Variants in FOXP1 observed in about 807,000 individuals in gnomAD.
FOXP1 encodes the protein forkhead box protein P1.
A neutral mutation model predicts 98.2 loss-of-function variants in FOXP1; 15 were observed. The observed-to-expected ratio is 0.15, with a 90% CI of 0.10 to 0.24. The LOEUF (loss-of-function observed/expected upper bound fraction) is 0.24, where lower values mean the gene tolerates loss of function less well. Ranked by LOEUF, FOXP1 falls within the 10% of genes least tolerant of loss-of-function variation. The probability of loss-of-function intolerance (pLI) is 1.00; values close to 1 mark genes in which losing one functional copy is unlikely to be tolerated. For missense variants in FOXP1, 633 were observed against 848.5 expected, an observed-to-expected ratio of 0.75 and a Z score of 3.15; for synonymous variants, 371 against 314.5, an observed-to-expected ratio of 1.18 and a Z score of -1.90.
At chr3:71,162,083 C>T (rs1404378455) in intron 6 of FOXP1, among the ~76,000 whole-genome samples, 1 of 152,166 alleles carries the variant, frequency 6.6e-6, no homozygotes, top group East Asian at 1.9e-4. Flanking sequence ...TAATGATAGC[C>T]ACAGGCCAAT....
chr3:71,087,967 T>C (rs2055320767), intron 7 of FOXP1, among the ~76,000 whole-genome samples: 1 of 152,200 alleles, frequency 6.6e-6, no homozygotes, highest in South Asian at 2.1e-4. Context: ...GGCCACGGCA[T>C]AATGTACCTC....
chr3:71,562,578 A>C (rs6785868), intron 2 of FOXP1, among the ~76,000 whole-genome samples: 97,700 of 151,960 alleles, frequency 0.64, 32,916 homozygotes, highest in African/African-American at 0.7. Context: ...TTAGGATATG[A>C]CAGACACTGG....
At chr3:71,542,079 T>C (rs561557150) in intron 2 of FOXP1, 21 of 522,786 alleles carry the variant, frequency 4.0e-5, no homozygotes, top group Non-Finnish European at 7.4e-5. Context: ...AACTGGCTTA[T>C]ATATCAAAAT....
At chr3:71,359,611 A>G (rs2078410840) in intron 3 of FOXP1, among the ~76,000 whole-genome samples, 1 of 152,176 alleles carries the variant, frequency 6.6e-6, no homozygotes, top group Admixed American at 6.5e-5. Flanking sequence ...TGCAGGGCAC[A>G]TTCAGGGCTC....
intron 6 of FOXP1, among the ~76,000 whole-genome samples, chr3:71,124,768 G>A (rs1483663674): frequency 6.6e-6 from 1 of 152,168 alleles, no homozygotes; most frequent in African/African-American, 2.4e-5. Flanking sequence ...TCAGTAAATG[G>A]AAACTAAAAC....
intron 3 of FOXP1, among the ~76,000 whole-genome samples, chr3:71,369,363 C>T (rs972984943): frequency 3.9e-5 from 6 of 152,154 alleles, no homozygotes; most frequent in African/African-American, 1.2e-4. Context: ...GCACTCCAGC[C>T]TGGGCAACAG....
At chr3:71,275,516 G>A (rs771630624) in intron 5 of FOXP1, among the ~76,000 whole-genome samples, 22 of 152,140 alleles carry the variant, frequency 1.4e-4, no homozygotes, top group Non-Finnish European at 3.1e-4. Flanking sequence ...CTACACCTGG[G>A]CTTCCCTTTT....
chr3:71,029,343 G>A (rs2046552675), intron 11 of FOXP1, among the ~76,000 whole-genome samples: 1 of 152,100 alleles, frequency 6.6e-6, no homozygotes, highest in Admixed American at 6.5e-5. Context: ...CTCATGTGAG[G>A]CAGATGTAGG....
At chr3:70,998,858 G>C (rs769104560) in intron 13 of FOXP1, among the ~76,000 whole-genome samples, 1 of 152,180 alleles carries the variant, frequency 6.6e-6, no homozygotes, top group Non-Finnish European at 1.5e-5. Context: ...TTTTTGTGGA[G>C]AGCGAAGAAT....
At chr3:71,267,077 T>C (rs1382753179) in intron 5 of FOXP1, among the ~76,000 whole-genome samples, 2 of 151,840 alleles carry the variant, frequency 1.3e-5, no homozygotes, top group East Asian at 3.9e-4. Flanking sequence ...ATGTTTTGAA[T>C]AAATCCTGTG....
chr3:70,955,605 G>A lies in FOXP1; in HGVS notation c.*3642C>T, dbSNP rs899545209. ...TTTTATACAAAAGTTCAATAGTTTT[G>A]ACACTCCCCATTGTTAATCACTACT... On this transcript the variant is annotated 3_prime_UTR_variant, in exon 21 of 21. Transcript: ENST00000649528. The A allele has an allele frequency of 3.1e-5, 7 of 229,028 alleles. No individual in the cohort carries two copies. Among genetic ancestry groups the A allele is most frequent in the Admixed American group, 2.3e-4 (4 of 17,492 alleles). The allele number at this position is 229,028 out of a possible 1,614,324, so 14.2% of individuals were successfully genotyped here. A position where few individuals can be genotyped will look rare whatever the true frequency, so the allele number is the denominator to read the frequency against.
intron 5 of FOXP1, among the ~76,000 whole-genome samples, chr3:71,207,346 C>T (rs1335073554): frequency 4.0e-5 from 6 of 151,654 alleles, no homozygotes; most frequent in South Asian, 2.1e-4. Context: ...ACACACTTCA[C>T]GTATCTCCCG....
In FOXP1 at chr3:71,500,864, C is replaced by T. The variant is rs9878150; in HGVS notation, c.-297-7309G>A. ...TCATAGTCACATGTAAGGGAACCAC[C>T]GCTTCCTGCCCAGCCAACTGGCAGT... is the stretch of plus-strand genomic sequence containing the variant. On this transcript the variant is annotated intron_variant, in intron 2 of 20. Transcript: ENST00000649528. 9.3e-3 allele frequency among the ~76,000 whole-genome samples: 1,415 copies of T among 152,242 alleles called. 19 individuals are homozygous for T. The highest frequency in any genetic ancestry group is 0.032 in the African/African-American group (1,343 of 41,540).
intron 6 of FOXP1, among the ~76,000 whole-genome samples, chr3:71,169,857 G>T (rs913402320): frequency 6.6e-6 from 1 of 150,946 alleles, no homozygotes; most frequent in Non-Finnish European, 1.5e-5. Flanking sequence ...TAGATAAGAA[G>T]AAGGCTCTTC....
chr3:71,339,829 G>A (rs2076912047), intron 4 of FOXP1, among the ~76,000 whole-genome samples: 4 of 152,074 alleles, frequency 2.6e-5, no homozygotes, highest in Admixed American at 2.6e-4. Context: ...AGAATCACAT[G>A]GCTTCTTCCA....
chr3:70,981,037 A>AAATC lies in FOXP1; in HGVS notation c.1147-3012_1147-3009dup, dbSNP rs1221925130. On this transcript the variant is annotated intron_variant, in intron 14 of 20. Coordinates refer to ENST00000649528, the MANE Select transcript of FOXP1 (RefSeq NM_001349338.3). The stretch of plus-strand genomic sequence containing the variant: ...AACTGAGTTCCAGTTTCATTGTCAG[A>AAATC]AATCAAAACTCATTCAGCAAGTGCA... Among the ~76,000 whole-genome samples the AAATC allele has an allele frequency of 2.6e-5, 4 of 152,280 alleles. No homozygotes were observed. In the East Asian group the frequency reaches 7.7e-4, roughly 29 times the overall value.
chr3:71,156,730 A>G (rs1402804819), intron 6 of FOXP1, among the ~76,000 whole-genome samples: 1 of 152,078 alleles, frequency 6.6e-6, no homozygotes, highest in African/African-American at 2.4e-5. Flanking sequence ...TTAGTGCCCA[A>G]AGGCTAGTTG....
intron 19 of FOXP1, 125 bp from the exon 20 acceptor site, chr3:70,966,181 T>C: frequency 1.1e-6 from 1 of 911,304 alleles, no homozygotes; most frequent in Non-Finnish European, 1.8e-6. Flanking sequence ...AAATACAAGT[T>C]TCTAAGAGGT....
At chr3:70,972,195 G>A in intron 18 of FOXP1, 1 of 1,511,848 alleles carries the variant, frequency 6.6e-7, no homozygotes, top group Non-Finnish European at 8.8e-7. Context: ...GATAGGAGCA[G>A]CAGCAAAGGA....
Sources: allele counts gnomAD v4.1 joint callset (sites outside exome capture counted in the v4.1 genomes callset), GRCh38; gene constraint gnomAD v4.1.1; transcripts MANE v1.5; gene names NCBI Gene and HGNC (gene_info 2026-07-23, HGNC 2026-07-21).